The following WDFY3 variants were observed in gnomAD, a reference collection of about 807,000 sequenced individuals.
WDFY3 encodes the protein WD repeat and FYVE domain containing 3, also known as WD repeat and FYVE domain-containing protein 3.
In WDFY3, 66 loss-of-function variants were observed where a neutral mutation model predicts 409.6. The observed-to-expected ratio is 0.16, with a 90% CI of 0.13 to 0.20. The LOEUF is 0.20. Ranked by LOEUF, WDFY3 falls within the 10% of genes least tolerant of loss-of-function variation. The pLI is 1.00. For synonymous variants in WDFY3, 1,521 were observed against 1,537.1 expected (o/e 0.99, Z 0.25); for missense variants, 3,031 against 4,298.1 (o/e 0.71, Z 8.24).
chr4:84,828,464 AG>A (rs764553280), intron 9 of WDFY3, among the ~76,000 whole-genome samples: 1 of 152,234 alleles, frequency 6.6e-6, no homozygotes, highest in Non-Finnish European at 1.5e-5. Flanking sequence ...GATATTAATT[AG>A]TTTATCTAAA....
chr4:84,946,709 G>A (rs1448566273), intron 1 of WDFY3, among the ~76,000 whole-genome samples: 3 of 152,262 alleles, frequency 2.0e-5, no homozygotes, highest in Non-Finnish European at 4.4e-5. Flanking sequence ...CCCCAGCACC[G>A]AGGTATATTC....
At chr4:84,805,286 A>G (rs1751327394) in intron 15 of WDFY3, among the ~76,000 whole-genome samples, 1 of 152,190 alleles carries the variant, frequency 6.6e-6, no homozygotes, top group African/African-American at 2.4e-5. Flanking sequence ...TATTTTGGAT[A>G]AGAAATACTC....
At chr4:84,681,665 A>T (rs1727370448) in intron 64 of WDFY3, among the ~76,000 whole-genome samples, 1 of 151,924 alleles carries the variant, frequency 6.6e-6, no homozygotes, top group African/African-American at 2.4e-5. Flanking sequence ...AACAATCTGA[A>T]GGTCAAACTT....
intron 30 of WDFY3, among the ~76,000 whole-genome samples, chr4:84,770,566 C>T (rs1366828914): frequency 6.6e-6 from 1 of 152,140 alleles, no homozygotes; most frequent in Non-Finnish European, 1.5e-5. Context: ...TTATATACTT[C>T]TACTTGTTTG....
chr4:84,846,933 G>A (rs1443692183), intron 5 of WDFY3, among the ~76,000 whole-genome samples: 1 of 151,852 alleles, frequency 6.6e-6, no homozygotes, highest in Non-Finnish European at 1.5e-5. Context: ...AAGTAAATAA[G>A]CAACTACACA....
At chr4:84,794,855 A>T in intron 20 of WDFY3, 24 bp downstream of exon 20, 1 of 1,550,810 alleles carries the variant, frequency 6.4e-7, no homozygotes, top group Non-Finnish European at 8.6e-7. Flanking sequence ...AAAAACTCAT[A>T]AGCAGAAAGC....
chr4:84,937,257 G>A (rs372368231), intron 1 of WDFY3, among the ~76,000 whole-genome samples: 14 of 152,134 alleles, frequency 9.2e-5, no homozygotes, highest in East Asian at 3.9e-4. Flanking sequence ...TGCAGCATTT[G>A]GCATGACATA....
In WDFY3 at chr4:84,766,287, A is replaced by C; in HGVS notation, c.4935T>G (p.Ile1645Met). Residue 1645 changes from isoleucine (I) to methionine (M), a missense_variant, in exon 31 of 68, where the codon ATT becomes ATG. Transcript: ENST00000295888. ...TGCTTGTCTTTTCTTTAGATGTATAAATTAGTTTTAGCAAGATATCCAGAA... is the reference window on the plus strand; with the variant it reads ...TGCTTGTCTTTTCTTTAGATGTATACATTAGTTTTAGCAAGATATCCAGAA... Reference protein sequence around the residue: ...NRLLDILLKLIYTSKEKTSIN... With the variant: ...NRLLDILLKLMYTSKEKTSIN... 6.3e-7 allele frequency: 1 copy of C among 1,596,412 alleles called. No homozygotes were observed. Among genetic ancestry groups the C allele is most frequent in the African/African-American group, 1.3e-5 (1 of 74,174 alleles).
At chr4:84,815,034 T>A (rs1753082955) in intron 13 of WDFY3, among the ~76,000 whole-genome samples, 1 of 152,128 alleles carries the variant, frequency 6.6e-6, no homozygotes, top group Non-Finnish European at 1.5e-5. Flanking sequence ...GTTTTTCTCT[T>A]GTTAATTTGT....
In WDFY3 at chr4:84,904,470, C is replaced by T. The variant is rs114297277; in HGVS notation, c.-131-7460G>A. 4.3e-3 allele frequency among the ~76,000 whole-genome samples: 660 copies of T among 152,206 alleles called. 4 individuals carry two copies. The highest frequency in any genetic ancestry group is 0.014 in the African/African-American group (577 of 41,536). On this transcript the variant is annotated intron_variant, in intron 2 of 67. Coordinates refer to ENST00000295888, the MANE Select transcript of WDFY3 (RefSeq NM_014991.6). ...GGAAGGGCTCTGTTAGTCATTCATT[C>T]AACAAATGGTAGACATGGTAGAGAT... is the stretch of plus-strand genomic sequence containing the variant.
chr4:84,918,194 C>G lies in WDFY3; in HGVS notation c.-132+14076G>C, dbSNP rs530900282. 7.9e-5 allele frequency among the ~76,000 whole-genome samples: 12 copies of G among 152,186 alleles called. 1 individual carries two copies. The South Asian group carries it at 2.5e-3, about 32-fold the overall frequency. On this transcript the variant is annotated intron_variant, in intron 2 of 67. Coordinates refer to ENST00000295888, the MANE Select transcript of WDFY3 (RefSeq NM_014991.6). ...CATTTACCACTTCGACCTAGTAATT[C>G]CACTCCTACATTTATCCTGAAGATA...
chr4:84,781,508 C>T (rs1746517735), intron 25 of WDFY3, among the ~76,000 whole-genome samples: 1 of 151,636 alleles, frequency 6.6e-6, no homozygotes, highest in African/African-American at 2.4e-5. Flanking sequence ...TCTAGGCCTC[C>T]CAAAGTGCTG....
chr4:84,769,986 T>C (rs186408084), intron 30 of WDFY3, among the ~76,000 whole-genome samples: 1 of 152,126 alleles, frequency 6.6e-6, no homozygotes, highest in Admixed American at 6.5e-5. Flanking sequence ...GCTCAGATGA[T>C]TGTTATCATT....
rs1326780426 is a variant in WDFY3, at chr4:84,669,716, C to G, written c.*3152G>C. 1 of 147,894 alleles carries G rather than the reference C, an allele frequency of 6.8e-6. No homozygotes were observed. The highest frequency in any genetic ancestry group is 2.5e-5 in the African/African-American group (1 of 39,854). The allele number at this position is 147,894 out of a possible 1,614,324, so 9.2% of individuals were successfully genotyped here. A position where few individuals can be genotyped will look rare whatever the true frequency, so the allele number is the denominator to read the frequency against. On this transcript the variant is annotated 3_prime_UTR_variant, in exon 68 of 68. Coordinates refer to ENST00000295888, the MANE Select transcript of WDFY3 (RefSeq NM_014991.6). ...GACTGCACACTAGATAGTAATTCTT[C>G]AGGTCTTTTACATAACCACCAAGAA...
chr4:84,728,298 G>T (rs911796510), intron 44 of WDFY3, among the ~76,000 whole-genome samples: 1 of 152,176 alleles, frequency 6.6e-6, no homozygotes, highest in Non-Finnish European at 1.5e-5. Context: ...GGAGGCCGAG[G>T]TGGGTGGATT....
At chr4:84,785,195 C>T (rs1391551005) in intron 24 of WDFY3, among the ~76,000 whole-genome samples, 2 of 152,056 alleles carry the variant, frequency 1.3e-5, no homozygotes, top group Non-Finnish European at 2.9e-5. Context: ...TCCTAAACAA[C>T]CTAAGACCCA....
At chr4:84,892,058 A>G (rs181372620) in intron 3 of WDFY3, among the ~76,000 whole-genome samples, 3 of 150,446 alleles carry the variant, frequency 2.0e-5, no homozygotes, top group South Asian at 2.1e-4. Context: ...AATCCCTAAC[A>G]TAAGTCAGAA....
At chr4:84,694,561 A>T (rs1246992158) in intron 58 of WDFY3, among the ~76,000 whole-genome samples, 4 of 152,196 alleles carry the variant, frequency 2.6e-5, no homozygotes, top group Admixed American at 2.0e-4. Flanking sequence ...TCTCAGGAAA[A>T]AGAAAAAAGT....
chr4:84,737,049 G>A (rs1737567532), intron 41 of WDFY3, 135 bp downstream of exon 41: 2 of 875,532 alleles, frequency 2.3e-6, no homozygotes, highest in African/African-American at 1.8e-5. Context: ...AATCATTCTA[G>A]AATGGTTGTT....
Sources: gnomAD v4.1 joint callset for allele counts (sites outside exome capture counted in the v4.1 genomes callset) on GRCh38, gnomAD v4.1.1 for gene constraint, MANE v1.5 for transcripts, NCBI Gene and HGNC (gene_info 2026-07-23, HGNC 2026-07-21) for gene names.